Variants in DOCK1 observed in about 807,000 individuals in gnomAD.
DOCK1 encodes the protein dedicator of cytokinesis 1.
Under a neutral mutation model 262.7 loss-of-function variants are expected in DOCK1, and 138 were observed. The ratio of observed to expected loss-of-function variants is 0.53; its 90% CI spans 0.46 to 0.61. The LOEUF (loss-of-function observed/expected upper bound fraction) is 0.61, where lower values mean the gene tolerates loss of function less well. DOCK1 is among the 20% of genes least tolerant of loss of function. The probability of loss-of-function intolerance (pLI) is 0.00; values close to 1 mark genes in which losing one functional copy is unlikely to be tolerated. For synonymous variants in DOCK1, 866 were observed against 867.4 expected (o/e 1.00, Z 0.03); for missense variants, 1,908 against 2,370.7 (o/e 0.80, Z 4.05).
intron 29 of DOCK1, among the ~76,000 whole-genome samples, chr10:127,319,515 C>T (rs1169244059): frequency 6.6e-6 from 1 of 152,172 alleles, no homozygotes; most frequent in Non-Finnish European, 1.5e-5. Context: ...GATCATTAGC[C>T]CATGATCACT....
In DOCK1 at chr10:127,051,954, T is replaced by C. The variant is rs546268751; in HGVS notation, c.2202-727T>C. On this transcript the variant is annotated intron_variant, in intron 21 of 51. Coordinates refer to ENST00000623213, the MANE Select transcript of DOCK1 (RefSeq NM_001290223.2). ...TATCCATCAGAGAGTATTTTTGGTG[T>C]CATGCCTTTATGAAAAAAATTTTTG... Among the ~76,000 whole-genome samples the C allele has an allele frequency of 1.4e-4, 22 of 152,260 alleles. No homozygotes were observed. In the South Asian group the frequency reaches 4.6e-3, roughly 32 times the overall value.
intron 27 of DOCK1, among the ~76,000 whole-genome samples, chr10:127,185,630 C>T (rs899707653): frequency 6.6e-6 from 1 of 152,108 alleles, no homozygotes; most frequent in Non-Finnish European, 1.5e-5. Flanking sequence ...TCTGGATCCT[C>T]ACATTAGGTA....
chr10:127,337,566 C>T (rs969740112), intron 29 of DOCK1, among the ~76,000 whole-genome samples: 1 of 152,136 alleles, frequency 6.6e-6, no homozygotes, highest in Admixed American at 6.5e-5. Flanking sequence ...AATCTGGCAA[C>T]CCTGCGGCTG....
At chr10:126,938,790 C>T (rs1408392792) in intron 1 of DOCK1, among the ~76,000 whole-genome samples, 32 of 43,190 alleles carry the variant, frequency 7.4e-4, no homozygotes, top group Non-Finnish European at 1.4e-3. Flanking sequence ...TGAACACCAG[C>T]GGGGATGAGC....
At position 127,260,870 on chromosome 10, in the gene DOCK1, CAT is replaced by C. The variant is rs1491491624; in HGVS notation, c.3044+3442_3044+3443del. On this transcript the variant is annotated intron_variant, in intron 29 of 51. Transcript: ENST00000623213. Reference sequence around the variant, plus strand: ...GTACCCGTGCTCATCTGTGTGTGTGCATGTGTGTGTGTGTGTACCCGTGCTCA... The same window carrying C: ...GTACCCGTGCTCATCTGTGTGTGTGCGTGTGTGTGTGTGTACCCGTGCTCA... Among the ~76,000 whole-genome samples, 161 of 56,396 alleles carry C rather than the reference CAT, an allele frequency of 2.9e-3. 8 individuals carry two copies. The highest frequency in any genetic ancestry group is 0.011 in the African/African-American group (146 of 12,948). The allele number at this position is 56,396 out of a possible 152,430, so 37.0% of individuals were successfully genotyped here.
At position 127,433,319 on chromosome 10, in the gene DOCK1, C is replaced by T. The variant is rs750234584; in HGVS notation, c.4951C>T (p.Arg1651Trp). The T allele has an allele frequency of 2.5e-5, 41 of 1,613,874 alleles. No individual in the cohort carries two copies. The highest frequency in any genetic ancestry group is 1.6e-4 in the Middle Eastern group (1 of 6,082). The change falls in exon 48 of 52, where the codon CGG becomes TGG. Residue 1651 changes from arginine (R) to tryptophan (W), a missense_variant. Coordinates refer to ENST00000623213, the MANE Select transcript of DOCK1 (RefSeq NM_001290223.2). Reference sequence around the variant, plus strand: ...GGATGATAGAAGAGGCAGCCGCCCCCGGTCCATGGTGCGGTCCTTCACGAT... The same window carrying T: ...GGATGATAGAAGAGGCAGCCGCCCCTGGTCCATGGTGCGGTCCTTCACGAT... Reference protein sequence around the residue: ...SLDDRRGSRPRSMVRSFTMPS... With the variant: ...SLDDRRGSRPWSMVRSFTMPS...
At position 127,012,530 on chromosome 10, in the gene DOCK1, T is replaced by TGTCACAGTGTACA. The variant is rs1378630999; in HGVS notation, c.1201+158_1201+159insCACAGTGTACAGT. The stretch of plus-strand genomic sequence containing the variant: ...GGAGAATGTGTGTGACAGTTGCCCC[T>TGTCACAGTGTACA]GTGTACAGTGCATGATGGTTTTCTT... On this transcript the variant is annotated intron_variant, in intron 12 of 51. Coordinates refer to ENST00000623213, the MANE Select transcript of DOCK1 (RefSeq NM_001290223.2). This position sits in a 1 kb window ranked among gnomAD's most constrained non-coding sequence, Gnocchi z 4.0. 6.6e-6 allele frequency among the ~76,000 whole-genome samples: 1 copy of TGTCACAGTGTACA among 152,154 alleles called. No individual in the cohort carries two copies. Among genetic ancestry groups the TGTCACAGTGTACA allele is most frequent in the African/African-American group, 2.4e-5 (1 of 41,424 alleles).
intron 16 of DOCK1, among the ~76,000 whole-genome samples, chr10:127,026,818 T>G (rs1564743484): frequency 6.6e-6 from 1 of 152,214 alleles, no homozygotes; most frequent in Non-Finnish European, 1.5e-5. Flanking sequence ...TGGTGGCCCT[T>G]GCTGTCTGGA....
intron 31 of DOCK1, among the ~76,000 whole-genome samples, chr10:127,350,056 C>T (rs1375781637): frequency 2.6e-5 from 4 of 152,170 alleles, no homozygotes; most frequent in African/African-American, 9.7e-5. Context: ...CCACACTAGT[C>T]ATGACCAATA....
intron 1 of DOCK1, among the ~76,000 whole-genome samples, chr10:126,960,761 C>G (rs1196199348): frequency 2.2e-5 from 3 of 137,468 alleles, no homozygotes; most frequent in South Asian, 4.6e-4. Context: ...CACACACACA[C>G]AGACACATAT....
chr10:127,336,185 T>C (rs1034032744), intron 29 of DOCK1, among the ~76,000 whole-genome samples: 1 of 152,124 alleles, frequency 6.6e-6, no homozygotes, highest in African/African-American at 2.4e-5. Flanking sequence ...CCTTGCCTCA[T>C]TGGGTGATTG....
rs1388563594 is a variant in DOCK1, at chr10:127,261,667, G to A, written c.3044+4238G>A. Among the ~76,000 whole-genome samples, 2 of 140,056 alleles carry A rather than the reference G, an allele frequency of 1.4e-5. 1 individual carries two copies. Among genetic ancestry groups the A allele is most frequent in the Admixed American group, 1.4e-4 (2 of 14,080 alleles). The allele number at this position is 140,056 out of a possible 152,430, so 91.9% of individuals were successfully genotyped here. A position where few individuals can be genotyped will look rare whatever the true frequency, so the allele number is the denominator to read the frequency against. On this transcript the variant is annotated intron_variant, in intron 29 of 51. Transcript: ENST00000623213. The stretch of plus-strand genomic sequence containing the variant: ...TGCATGTGTGTGCATGTGGGTGTGT[G>A]TGTACCTGCATGTGTGTGCATGTGG...
chr10:126,918,899 C>CGGACAGGTGGGCACGGAGGATTT (rs1554955613), intron 1 of DOCK1, among the ~76,000 whole-genome samples: 32 of 133,824 alleles, frequency 2.4e-4, no homozygotes, highest in African/African-American at 5.6e-4. Context: ...ACGGAGGATT[C>CGGACAGGTGGGCACGGAGGATTT]GGACAGGTGG....
intron 23 of DOCK1, among the ~76,000 whole-genome samples, chr10:127,075,300 G>A (rs1016360363): frequency 1.3e-5 from 2 of 151,428 alleles, no homozygotes; most frequent in African/African-American, 4.9e-5. Context: ...CTGAGACCGA[G>A]TCTCACTGTC....
chr10:127,007,972 G>A (rs11017643), intron 10 of DOCK1, among the ~76,000 whole-genome samples: 11,859 of 152,264 alleles, frequency 0.078, 1,242 homozygotes, highest in African/African-American at 0.24. Flanking sequence ...GAAAGCAAAA[G>A]TGTGAGGCTT....
chr10:126,918,899 C>CAGGTGGGCACGGAGGATTT (rs1564982189), intron 1 of DOCK1, among the ~76,000 whole-genome samples: 182 of 133,816 alleles, frequency 1.4e-3, no homozygotes, highest in East Asian at 2.7e-3. Context: ...ACGGAGGATT[C>CAGGTGGGCACGGAGGATTT]GGACAGGTGG....
At chr10:127,390,715 C>T (rs6415988) in intron 38 of DOCK1, among the ~76,000 whole-genome samples, 120,631 of 152,120 alleles carry the variant, frequency 0.79, 47,884 homozygotes, top group Admixed American at 0.83. Context: ...ACGCCCCCAG[C>T]ACCTACTCAG....
At chr10:127,047,651 C>A (rs2044438141) in intron 21 of DOCK1, among the ~76,000 whole-genome samples, 1 of 152,112 alleles carries the variant, frequency 6.6e-6, no homozygotes, top group Non-Finnish European at 1.5e-5. Flanking sequence ...CACAAACATC[C>A]CTCTTGGCCT....
At chr10:127,335,452 A>G (rs2063148249) in intron 29 of DOCK1, among the ~76,000 whole-genome samples, 1 of 152,228 alleles carries the variant, frequency 6.6e-6, no homozygotes, top group African/African-American at 2.4e-5. Context: ...CCTCTGTAAC[A>G]GAAAGCGGAT....
Sources: gnomAD v4.1 joint callset for allele counts (sites outside exome capture counted in the v4.1 genomes callset) on GRCh38, gnomAD v4.1.1 for gene constraint, Gnocchi (gnomAD v3.1) non-coding constraint, MANE v1.5 for transcripts, NCBI Gene and HGNC (gene_info 2026-07-23, HGNC 2026-07-21) for gene names.